The following C4orf50 variants were observed in gnomAD, a reference collection of about 807,000 sequenced individuals.
C4orf50 encodes chromosome 4 open reading frame 50, also known as uncharacterized protein C4orf50.
In C4orf50, 80 loss-of-function variants were observed where a neutral mutation model predicts 77.2. The ratio of observed to expected loss-of-function variants is 1.04; its 90% CI spans 0.87 to 1.25. The LOEUF is 1.25. Ranked by LOEUF, C4orf50 falls within the 50% of genes most tolerant of loss-of-function variation. The probability of loss-of-function intolerance (pLI) is 0.00; values close to 1 mark genes in which losing one functional copy is unlikely to be tolerated. For missense variants in C4orf50, 1,257 were observed against 1,152.9 expected, an observed-to-expected ratio of 1.09 and a Z score of -1.31; for synonymous variants, 532 against 465.3, an observed-to-expected ratio of 1.14 and a Z score of -1.84.
downstream of C4orf50, among the ~76,000 whole-genome samples, chr4:5,955,846 G>T (rs1199246075): frequency 6.6e-6 from 1 of 152,206 alleles, no homozygotes; most frequent in Non-Finnish European, 1.5e-5. This position sits in a 1 kb window ranked among gnomAD's most constrained non-coding sequence, Gnocchi z 5.1. Flanking sequence ...GGCCCTGTCT[G>T]TGATGCTAAA....
In C4orf50 at chr4:5,944,309, T is replaced by C. The variant is rs574194373; in HGVS notation, c.*2474+12592A>G. 5.9e-5 allele frequency among the ~76,000 whole-genome samples: 9 copies of C among 152,280 alleles called. No individual in the cohort carries two copies. The South Asian group carries it at 1.7e-3, about 28-fold the overall frequency. ...CTGGAGGCCCCTTCTTGCCCCTCAG[T>C]CCTCTGCAGGGGAATGACTTGTTTA... On this transcript the variant is annotated intron_variant, in intron 7 of 7. Coordinates refer to the C4orf50 transcript ENST00000324058.
chr4:5,984,106 T>G (rs1720739429), intron 28 of C4orf50, among the ~76,000 whole-genome samples: 1 of 152,234 alleles, frequency 6.6e-6, no homozygotes, highest in African/African-American at 2.4e-5. Flanking sequence ...GGCCTCACCT[T>G]AGGAGTAATA....
At chr4:6,010,862 A>G (rs1249389701) in intron 24 of C4orf50, among the ~76,000 whole-genome samples, 1 of 152,228 alleles carries the variant, frequency 6.6e-6, no homozygotes, top group Non-Finnish European at 1.5e-5. Flanking sequence ...AGATAGTGTC[A>G]TTTAAATACC....
chr4:6,017,361 AG>A lies in C4orf50; in HGVS notation c.287+783del, dbSNP rs1470646970. 1.3e-5 allele frequency among the ~76,000 whole-genome samples: 2 copies of A among 152,250 alleles called. No homozygotes were observed. The highest frequency in any genetic ancestry group is 4.8e-5 in the African/African-American group (2 of 41,466). Reference sequence around the variant, plus strand: ...AGCTGGGACCGCAGAGGAAGCCGAGAGCACATCTGAGTTACAGCCACAGTGG... The same window carrying A: ...AGCTGGGACCGCAGAGGAAGCCGAGACACATCTGAGTTACAGCCACAGTGG... On this transcript the variant is annotated intron_variant, in intron 23 of 33. Transcript: ENST00000531445. This position sits in a 1 kb window ranked among gnomAD's most constrained non-coding sequence, Gnocchi z 4.7.
chr4:5,973,617 C>T (rs757817953), intron 31 of C4orf50, 42 bp downstream of exon 9: 2 of 1,532,154 alleles, frequency 1.3e-6, no homozygotes, highest in East Asian at 2.3e-5. Flanking sequence ...CGCGCCCACA[C>T]TCCCATAGGA....
intron 23 of C4orf50, among the ~76,000 whole-genome samples, chr4:6,016,439 C>T (rs1452512883): frequency 6.6e-6 from 1 of 152,196 alleles, no homozygotes; most frequent in Non-Finnish European, 1.5e-5. Context: ...GTCCCAGCTA[C>T]TCGGGAGGCT....
At chr4:6,002,650 T>TC (rs1338211411) in intron 25 of C4orf50, among the ~76,000 whole-genome samples, 1 of 152,038 alleles carries the variant, frequency 6.6e-6, no homozygotes, top group African/African-American at 2.4e-5. Flanking sequence ...CCCCAGAGCT[T>TC]CCCCCCACCA....
chr4:5,975,191 G>C, intron 30 of C4orf50, among the ~76,000 whole-genome samples: 1 of 135,128 alleles, frequency 7.4e-6, no homozygotes, highest in Non-Finnish European at 1.5e-5. Context: ...ACATCACAGT[G>C]TTTGCACACA....
chr4:5,974,838 C>G (rs1223559381), intron 30 of C4orf50, among the ~76,000 whole-genome samples: 1 of 137,592 alleles, frequency 7.3e-6, no homozygotes, highest in African/African-American at 2.5e-5. Context: ...GAAAACCTTT[C>G]TGAGAAAACC....
chr4:5,939,764 T>A (rs67472649), intron 7 of C4orf50, among the ~76,000 whole-genome samples: 1 of 151,918 alleles, frequency 6.6e-6, no homozygotes, highest in African/African-American at 2.4e-5. Flanking sequence ...CCCTGTCCCC[T>A]GTCCCCAGAC....
intron 7 of C4orf50, among the ~76,000 whole-genome samples, chr4:5,911,897 T>G (rs1716822326): frequency 6.6e-6 from 1 of 152,022 alleles, no homozygotes; most frequent in African/African-American, 2.4e-5. Flanking sequence ...AATACAAAAA[T>G]TAGCTGGGGA....
chr4:5,936,102 A>G (rs534120108), intron 7 of C4orf50, among the ~76,000 whole-genome samples: 272 of 152,270 alleles, frequency 1.8e-3, no homozygotes, highest in Middle Eastern at 0.01. Flanking sequence ...CCACTTTGGT[A>G]GTAGTTGGAA....
chr4:5,969,370 C>T lies in C4orf50; in HGVS notation c.4105-1908G>A, dbSNP rs145796276. On this transcript the variant is annotated intron_variant, in intron 31 of 33. Coordinates refer to ENST00000531445, the Ensembl canonical transcript of C4orf50. ...AATTCTTCAATCGTCTGAGTATGAC[C>T]GCTCCTTTTTTAGACCAGATTCCAT... is the stretch of plus-strand genomic sequence containing the variant. 1.8e-4 allele frequency among the ~76,000 whole-genome samples: 27 copies of T among 151,188 alleles called. No individual in the cohort carries two copies. In the South Asian group the frequency reaches 2.3e-3, roughly 13 times the overall value.
At chr4:5,965,297 C>G in intron 32 of C4orf50, 152 bp from the exon 11 acceptor site, 4 of 711,822 alleles carry the variant, frequency 5.6e-6, no homozygotes, top group Non-Finnish European at 9.0e-6. Flanking sequence ...CTCTCAGATG[C>G]CTTTGAGCTC....
At chr4:5,945,528 A>G (rs374064891) in intron 7 of C4orf50, among the ~76,000 whole-genome samples, 3 of 152,094 alleles carry the variant, frequency 2.0e-5, no homozygotes, top group Admixed American at 1.3e-4. Context: ...CCCACATGGG[A>G]TCTAACAAGC....
chr4:5,942,989 T>G (rs1718326916), intron 7 of C4orf50, among the ~76,000 whole-genome samples: 1 of 152,250 alleles, frequency 6.6e-6, no homozygotes, highest in Non-Finnish European at 1.5e-5. Flanking sequence ...TATATTAATT[T>G]TTATAAGCAG....
intron 7 of C4orf50, among the ~76,000 whole-genome samples, chr4:5,947,597 G>C (rs1259342111): frequency 1.3e-4 from 20 of 152,118 alleles, no homozygotes. Context: ...TCAAATCACC[G>C]ACTGGTGAGA....
intron 7 of C4orf50, chr4:5,904,536 A>G (rs1019867932): frequency 2.0e-5 from 3 of 152,212 alleles, no homozygotes; most frequent in African/African-American, 7.2e-5. Context: ...TGCCACACCC[A>G]TTTTACAGAT....
intron 29 of C4orf50, among the ~76,000 whole-genome samples, chr4:5,976,168 G>A (rs187996584): frequency 8.5e-5 from 13 of 152,186 alleles, no homozygotes; most frequent in African/African-American, 2.6e-4. Flanking sequence ...CAGCTTGGCC[G>A]GGCGCAGTGA....
Sources: allele counts gnomAD v4.1 joint callset (sites outside exome capture counted in the v4.1 genomes callset), GRCh38; gene constraint gnomAD v4.1.1; non-coding constraint Gnocchi (gnomAD v3.1); transcripts MANE v1.5; gene names NCBI Gene and HGNC (gene_info 2026-07-23, HGNC 2026-07-21).